NPM1: variants seen among roughly 807,000 people sequenced by gnomAD.
NPM1 encodes nucleophosmin 1, also known as nucleophosmin.
In NPM1, 1 loss-of-function variant was observed where a neutral mutation model predicts 44.1. That is an observed-to-expected ratio of 0.02 (90% CI 0.01 to 0.11). NPM1 has a LOEUF of 0.11. Ranked by LOEUF, NPM1 falls within the 10% of genes least tolerant of loss-of-function variation. The pLI is 1.00. For synonymous variants in NPM1, 126 were observed against 111.8 expected (o/e 1.13, Z -0.80); for missense variants, 197 against 347.8 (o/e 0.57, Z 3.45).
chr5:171,400,030 C>G (rs1024147046), intron 6 of NPM1, 123 bp from the exon 7 acceptor site: 1 of 655,094 alleles, frequency 1.5e-6, no homozygotes, highest in African/African-American at 1.8e-5. Flanking sequence ...CACCTCTTGG[C>G]TGTTGTGAAC....
chr5:171,402,969 TTTTATTTA>T (rs752841058), intron 8 of NPM1, among the ~76,000 whole-genome samples: 6 of 118,860 alleles, frequency 5.0e-5, no homozygotes, highest in East Asian at 2.6e-4. Context: ...TTTTTTTTCA[TTTTATTTA>T]TTTATTTATT....
chr5:171,389,463 T>C (rs1770455986), intron 1 of NPM1, among the ~76,000 whole-genome samples: 1 of 152,230 alleles, frequency 6.6e-6, no homozygotes, highest in Admixed American at 6.5e-5. Flanking sequence ...CTGGTAAATT[T>C]ATATCAGTAC....
At chr5:171,405,520 G>T in intron 9 of NPM1, 117 bp downstream of exon 9, 1 of 644,286 alleles carries the variant, frequency 1.6e-6, no homozygotes, top group South Asian at 1.8e-5. Flanking sequence ...ATACTTGCCT[G>T]GTTCGTGGTA....
chr5:171,391,451 T>C, intron 3 of NPM1, 27 bp downstream of exon 3: 1 of 1,604,008 alleles, frequency 6.2e-7, no homozygotes, highest in Non-Finnish European at 8.5e-7. Context: ...ACTTTGGATG[T>C]TGTGTCAAGG....
chr5:171,390,022 G>A, intron 1 of NPM1, 29 bp from the exon 2 acceptor site: 1 of 1,377,116 alleles, frequency 7.3e-7, no homozygotes, highest in Non-Finnish European at 1.0e-6. Flanking sequence ...TTTTCTCCTT[G>A]TTAGAGTTGC....
Position 171,390,040 on chromosome 5 carries a change from T to C in NPM1, c.59-11T>C. The C allele has an allele frequency of 6.5e-7, 1 of 1,546,628 alleles. No homozygotes were observed. ...TCTCCTTGTTAGAGTTGCTTTTTTC[T>C]TCATTTACAGGTTGTGAACTAAAGG... On this transcript the variant is annotated splice_polypyrimidine_tract_variant and intron_variant, in intron 1 of 10. Coordinates refer to ENST00000296930, the MANE Select transcript of NPM1 (RefSeq NM_002520.7).
intron 6 of NPM1, among the ~76,000 whole-genome samples, chr5:171,398,623 T>C (rs1237671784): frequency 6.6e-6 from 1 of 152,036 alleles, no homozygotes; most frequent in Middle Eastern, 3.2e-3. Context: ...ATACAAATTT[T>C]AGCTGGGCAT....
chr5:171,392,837 A>T (rs759249379), intron 5 of NPM1, 21 bp downstream of exon 5: 1 of 1,613,212 alleles, frequency 6.2e-7, no homozygotes, highest in South Asian at 1.1e-5. Flanking sequence ...CAATTTTATT[A>T]TAGGTTTTGT....
chr5:171,391,379 A>C lies in NPM1; in HGVS notation c.213A>C (p.Pro71=), dbSNP rs1012006484. ...EAEAMNYEGS[P]IKVTLATLKM... is the part of the protein sequence containing the mutation. Reference sequence around the variant, plus strand: ...AGGCAATGAATTACGAAGGCAGTCCAATTAAAGTAACACTGGCAACTTTGA... The same window carrying C: ...AGGCAATGAATTACGAAGGCAGTCCCATTAAAGTAACACTGGCAACTTTGA... The change falls in exon 3 of 11, where the codon CCA becomes CCC. Residue 71 remains proline (P), a synonymous_variant. Coordinates refer to ENST00000296930, the MANE Select transcript of NPM1 (RefSeq NM_002520.7). The C allele has an allele frequency of 6.2e-7, 1 of 1,611,470 alleles. No homozygotes were observed.
At chr5:171,399,450 G>T (rs1318629559) in intron 6 of NPM1, among the ~76,000 whole-genome samples, 1 of 152,052 alleles carries the variant, frequency 6.6e-6, no homozygotes, top group Non-Finnish European at 1.5e-5. Flanking sequence ...TCATTATGTT[G>T]CCTAGGCTGG....
intron 6 of NPM1, 131 bp from the exon 7 acceptor site, chr5:171,400,022 C>A (rs1192239419): frequency 1.6e-6 from 1 of 640,048 alleles, no homozygotes; most frequent in Non-Finnish European, 2.8e-6. Flanking sequence ...GTTGCTTTCA[C>A]CTCTTGGCTG....
chr5:171,390,146 A>G lies in NPM1; in HGVS notation c.138+16A>G. On this transcript the variant is annotated intron_variant, in intron 2 of 10. Transcript: ENST00000296930. ...TTTAAGAACGGTACTTAAACTTTCA[A>G]AATAAACTACTTAACCCTACTTGAT... 1.4e-6 allele frequency: 2 copies of G among 1,404,054 alleles called. No individual in the cohort carries two copies. The highest frequency in any genetic ancestry group is 2.0e-6 in the Non-Finnish European group (2 of 1,019,416). The allele number at this position is 1,404,054 out of a possible 1,614,324, so 87.0% of individuals were successfully genotyped here. A position where few individuals can be genotyped will look rare whatever the true frequency, so the allele number is the denominator to read the frequency against.
At chr5:171,400,390 C>T (rs1212513876) in intron 7 of NPM1, among the ~76,000 whole-genome samples, 180 bp downstream of exon 7, 1 of 151,664 alleles carries the variant, frequency 6.6e-6, no homozygotes, top group Admixed American at 6.6e-5. Context: ...TTTCTTTATC[C>T]ATGTGGCCCT....
At chr5:171,397,604 A>G (rs911397996) in intron 6 of NPM1, among the ~76,000 whole-genome samples, 1 of 53,948 alleles carries the variant, frequency 1.9e-5, no homozygotes, top group Non-Finnish European at 3.9e-5. Flanking sequence ...AAATCCATTT[A>G]CTTCTCTTTG....
chr5:171,394,685 A>AGG (rs1770784696), intron 6 of NPM1, among the ~76,000 whole-genome samples: 1 of 152,220 alleles, frequency 6.6e-6, no homozygotes, highest in Non-Finnish European at 1.5e-5. Context: ...GGCTAAAAAC[A>AGG]CAAATTAGAA....
chr5:171,391,286 A>ATTTTT lies in NPM1; in HGVS notation c.139-13_139-9dup. On this transcript the variant is annotated intron_variant, in intron 2 of 10. Transcript: ENST00000296930. ...GGTGGAACTCAAAAGTTGAAGTAGT[A>ATTTTT]TTTTTTTTTTGTTCACAGGTCAGTT... The ATTTTT allele has an allele frequency of 2.1e-6, 3 of 1,400,006 alleles. No homozygotes were observed. Among genetic ancestry groups the ATTTTT allele is most frequent in the Admixed American group, 1.9e-5 (1 of 51,820 alleles). 86.7% of individuals were successfully genotyped at this position (1,400,006 alleles called of 1,614,324 possible).
Position 171,400,784 on chromosome 5 carries a change from G to C in NPM1, c.583-55G>C. On this transcript the variant is annotated intron_variant, in intron 7 of 10. Transcript: ENST00000296930. ...TGTCTTACATGGCTTGGACAGCTTT[G>C]TTTGCACTGTTGTTGGGGTCAGGGA... The C allele has an allele frequency of 8.5e-6, 10 of 1,177,500 alleles. No homozygotes were observed. The South Asian group carries it at 1.2e-4, about 14-fold the overall frequency. 72.9% of individuals were successfully genotyped at this position (1,177,500 alleles called of 1,614,324 possible).
chr5:171,399,331 AGTT>A (rs1438776723), intron 6 of NPM1, among the ~76,000 whole-genome samples: 1 of 152,022 alleles, frequency 6.6e-6, no homozygotes, highest in East Asian at 1.9e-4. Context: ...ACACAGTTAC[AGTT>A]CACTGTCTCA....
chr5:171,405,186 T>C (rs1771497215), intron 8 of NPM1, 116 bp from the exon 9 acceptor site: 1 of 629,894 alleles, frequency 1.6e-6, no homozygotes, highest in Middle Eastern at 4.4e-4. Context: ...TCCAGTTGTA[T>C]AATTAGCTTT....
Sources: gnomAD v4.1 joint callset for allele counts (sites outside exome capture counted in the v4.1 genomes callset) on GRCh38, gnomAD v4.1.1 for gene constraint, MANE v1.5 for transcripts, NCBI Gene and HGNC (gene_info 2026-07-23, HGNC 2026-07-21) for gene names.